The following ADGRB3 variants were observed in gnomAD, a reference collection of about 807,000 sequenced individuals.
ADGRB3 encodes the protein brain-specific angiogenesis inhibitor 3.
ADGRB3 carries 37 observed loss-of-function variants against 193.4 expected under a neutral mutation model. The ratio of observed to expected loss-of-function variants is 0.19; its 90% CI spans 0.15 to 0.25. The LOEUF (loss-of-function observed/expected upper bound fraction) is 0.25. ADGRB3 is among the 10% of genes least tolerant of loss of function. ADGRB3 has a pLI of 1.00. For synonymous variants in ADGRB3, 690 were observed against 644.2 expected, an observed-to-expected ratio of 1.07 and a Z score of -1.08; for missense variants, 1,637 against 1,852.9, an observed-to-expected ratio of 0.88 and a Z score of 2.14.
intron 11 of ADGRB3, among the ~76,000 whole-genome samples, chr6:68,994,887 G>T (rs1354427579): frequency 6.6e-6 from 1 of 151,948 alleles, no homozygotes; most frequent in East Asian, 1.9e-4. Flanking sequence ...GTTTTGTTTT[G>T]TTTTGTTTTG....
At chr6:68,893,374 T>G (rs1766132460) in intron 3 of ADGRB3, among the ~76,000 whole-genome samples, 1 of 152,002 alleles carries the variant, frequency 6.6e-6, no homozygotes, top group African/African-American at 2.4e-5. Context: ...ATTTTTAGGT[T>G]TTTAAAATAA....
chr6:68,825,570 A>G (rs575629483), intron 3 of ADGRB3, among the ~76,000 whole-genome samples: 223 of 152,306 alleles, frequency 1.5e-3, no homozygotes, highest in South Asian at 2.1e-3. Context: ...GTCCCCACCC[A>G]GATCTCATAT....
chr6:68,987,536 A>G (rs1173142301), intron 10 of ADGRB3, among the ~76,000 whole-genome samples: 5 of 152,146 alleles, frequency 3.3e-5, no homozygotes, highest in Admixed American at 3.3e-4. Flanking sequence ...ATACGAACAC[A>G]TTTAAATATT....
chr6:68,640,529 G>C (rs1023492186), intron 3 of ADGRB3, among the ~76,000 whole-genome samples: 2 of 152,220 alleles, frequency 1.3e-5, no homozygotes, highest in African/African-American at 2.4e-5. Context: ...TGAAACCAGA[G>C]AGTGTGTTGA....
chr6:68,725,873 T>G (rs1261265857), intron 3 of ADGRB3, among the ~76,000 whole-genome samples: 1 of 151,548 alleles, frequency 6.6e-6, no homozygotes, highest in Non-Finnish European at 1.5e-5. Flanking sequence ...AAATTAAATT[T>G]AATTAATTAA....
rs70987431 is a variant in ADGRB3, at chr6:68,676,389, C to CAAA, written c.757+36977_757+36979dup. 1.1e-3 allele frequency among the ~76,000 whole-genome samples: 92 copies of CAAA among 84,596 alleles called. 1 individual carries two copies. The highest frequency in any genetic ancestry group is 3.5e-3 in the African/African-American group (71 of 20,484). 55.5% of individuals were successfully genotyped at this position (84,596 alleles called of 152,430 possible). ...CTGGCGACAGAGAGAGACTCTGTCT[C>CAAA]AAAAAAAAAAAAAAAAAAAAAAGAA... On this transcript the variant is annotated intron_variant, in intron 3 of 31. Coordinates refer to ENST00000370598, the MANE Select transcript of ADGRB3 (RefSeq NM_001704.3).
At chr6:68,834,909 G>A (rs1020058598) in intron 3 of ADGRB3, among the ~76,000 whole-genome samples, 2 of 151,930 alleles carry the variant, frequency 1.3e-5, no homozygotes, top group South Asian at 2.1e-4. Flanking sequence ...CAAATTGAAT[G>A]TAAGTATTTT....
chr6:68,997,919 A>T (rs886182861), intron 11 of ADGRB3, among the ~76,000 whole-genome samples: 1 of 152,042 alleles, frequency 6.6e-6, no homozygotes, highest in African/African-American at 2.4e-5. Flanking sequence ...TATATTATCT[A>T]CCTCTGTTCA....
At chr6:68,903,038 A>G (rs1766441156) in intron 3 of ADGRB3, among the ~76,000 whole-genome samples, 1 of 152,196 alleles carries the variant, frequency 6.6e-6, no homozygotes, top group African/African-American at 2.4e-5. Flanking sequence ...CTAGATATGT[A>G]GAACATGTAA....
intron 3 of ADGRB3, among the ~76,000 whole-genome samples, chr6:68,874,948 G>T (rs1188420085): frequency 6.6e-6 from 1 of 152,156 alleles, no homozygotes; most frequent in African/African-American, 2.4e-5. Flanking sequence ...AGATAGCTGT[G>T]CCTCACTGAT....
intron 17 of ADGRB3, among the ~76,000 whole-genome samples, chr6:69,108,707 T>C (rs991017513): frequency 6.6e-6 from 1 of 152,146 alleles, no homozygotes; most frequent in Non-Finnish European, 1.5e-5. Flanking sequence ...GGTTGAGGCT[T>C]GGATGACAGG....
At chr6:68,868,209 C>T (rs1765357797) in intron 3 of ADGRB3, among the ~76,000 whole-genome samples, 1 of 152,082 alleles carries the variant, frequency 6.6e-6, no homozygotes, top group Non-Finnish European at 1.5e-5. Flanking sequence ...GAGGTTTCCC[C>T]TATGCAGTTC....
At position 68,934,035 on chromosome 6, in the gene ADGRB3, A is replaced by G. The variant is rs115062508; in HGVS notation, c.869-2484A>G. ...ATAATGTATATTAGTTATTCTCACA[A>G]TGGCCTAATGTGCTTGACTAGAATG... is the stretch of plus-strand genomic sequence containing the variant. On this transcript the variant is annotated intron_variant, in intron 4 of 31. Coordinates refer to ENST00000370598, the MANE Select transcript of ADGRB3 (RefSeq NM_001704.3). Among the ~76,000 whole-genome samples the G allele has an allele frequency of 9.9e-3, 1,508 of 152,264 alleles. 22 individuals carry two copies. Among genetic ancestry groups the G allele is most frequent in the African/African-American group, 0.034 (1,421 of 41,556 alleles).
rs186183160 is a variant in ADGRB3 at position 68,940,342 on chromosome 6, A to T, written c.1031-3488A>T. On this transcript the variant is annotated intron_variant, in intron 5 of 31. Transcript: ENST00000370598. ...GGAGTCCATCCTGTGTATTTTTTTA[A>T]TGTTTAACAGCATACCTGGCCTTTA... Among the ~76,000 whole-genome samples, 32 of 151,864 alleles carry T rather than the reference A, an allele frequency of 2.1e-4. 1 individual carries two copies. The East Asian group carries it at 6.0e-3, about 29-fold the overall frequency.
Position 69,063,308 on chromosome 6 carries a change from A to G in ADGRB3, c.2436+272A>G, listed in dbSNP as rs146935880. On this transcript the variant is annotated intron_variant, in intron 16 of 31. Transcript: ENST00000370598. ...TTTTTTCATGATAAAATTCTCTTCA[A>G]TTTATCCAAATAATAGTTAATAAAT... is the stretch of plus-strand genomic sequence containing the variant. Among the ~76,000 whole-genome samples, 35 of 152,116 alleles carry G rather than the reference A, an allele frequency of 2.3e-4. No homozygotes were observed. In the East Asian group the frequency reaches 6.0e-3, roughly 26 times the overall value.
At chr6:68,824,414 G>C (rs564188445) in intron 3 of ADGRB3, among the ~76,000 whole-genome samples, 1 of 149,616 alleles carries the variant, frequency 6.7e-6, no homozygotes, top group South Asian at 2.1e-4. Flanking sequence ...AATATATAAT[G>C]TATTTAGATA....
chr6:68,920,692 G>A (rs1016839631), intron 3 of ADGRB3, among the ~76,000 whole-genome samples: 1 of 151,940 alleles, frequency 6.6e-6, no homozygotes, highest in Non-Finnish European at 1.5e-5. Context: ...TAACGTTCAA[G>A]CGTGTCAGGG....
intron 3 of ADGRB3, among the ~76,000 whole-genome samples, chr6:68,870,434 T>C (rs551561769): frequency 1.3e-5 from 2 of 152,354 alleles, no homozygotes; most frequent in African/African-American, 2.4e-5. Context: ...ATTGGTCTTA[T>C]CTAGCCATTA....
At position 69,378,317 on chromosome 6, in the gene ADGRB3, C is replaced by T. The variant is rs560700544; in HGVS notation, c.4276-4514C>T. Among the ~76,000 whole-genome samples, 38 of 152,084 alleles carry T rather than the reference C, an allele frequency of 2.5e-4. No homozygotes were observed. The South Asian group carries it at 3.5e-3, about 14-fold the overall frequency. On this transcript the variant is annotated intron_variant, in intron 30 of 31. Coordinates refer to ENST00000370598, the MANE Select transcript of ADGRB3 (RefSeq NM_001704.3). ...CATTTTAAAAAGACATAATTACAAACCTGAATAGTCTAAAGAAGAGTGCTC... is the reference window on the plus strand; with the variant it reads ...CATTTTAAAAAGACATAATTACAAATCTGAATAGTCTAAAGAAGAGTGCTC...
Sources: gnomAD v4.1 joint callset for allele counts (sites outside exome capture counted in the v4.1 genomes callset) on GRCh38, gnomAD v4.1.1 for gene constraint, MANE v1.5 for transcripts, NCBI Gene and HGNC (gene_info 2026-07-23, HGNC 2026-07-21) for gene names.